Variants in TOX2 observed in about 807,000 individuals in gnomAD.
The protein encoded by TOX2 is TOX high mobility group box family member 2, also known as granulosa cell HMG box 1.
A neutral mutation model predicts 47.4 loss-of-function variants in TOX2; 15 were observed. The observed-to-expected ratio is 0.32, with a 90% CI of 0.21 to 0.49. TOX2 has a LOEUF of 0.49. TOX2 is among the 20% of genes least tolerant of loss of function. TOX2 has a pLI of 0.99. For missense variants in TOX2, 622 were observed against 673.1 expected (o/e 0.92, Z 0.84); for synonymous variants, 290 against 296.6 (o/e 0.98, Z 0.23).
At chr20:43,947,736 C>T (rs1163597581) in intron 1 of TOX2, among the ~76,000 whole-genome samples, 1 of 152,206 alleles carries the variant, frequency 6.6e-6, no homozygotes, top group African/African-American at 2.4e-5. Flanking sequence ...TTAACACTTC[C>T]TGAACAACTT....
intron 4 of TOX2, among the ~76,000 whole-genome samples, chr20:44,053,049 G>T (rs2071544587): frequency 6.6e-6 from 1 of 152,180 alleles, no homozygotes; most frequent in South Asian, 2.1e-4. Flanking sequence ...AGGTCAACAT[G>T]TCACCTCCAT....
chr20:43,983,002 T>C (rs994552304), intron 2 of TOX2, among the ~76,000 whole-genome samples: 1 of 151,764 alleles, frequency 6.6e-6, no homozygotes, highest in Non-Finnish European at 1.5e-5. Flanking sequence ...AACATAAAGA[T>C]TCTGGGGACT....
At chr20:44,032,839 A>G (rs1331049731) in intron 3 of TOX2, among the ~76,000 whole-genome samples, 3 of 152,174 alleles carry the variant, frequency 2.0e-5, no homozygotes, top group South Asian at 4.1e-4. Context: ...AAGGGGACAA[A>G]TTGCTTTTCA....
chr20:43,930,231 A>T (rs2069235438), intron 1 of TOX2, among the ~76,000 whole-genome samples: 2 of 152,248 alleles, frequency 1.3e-5, no homozygotes, highest in South Asian at 4.1e-4. Flanking sequence ...ACCGTAACAT[A>T]GCCCAGGCTG....
At chr20:43,928,981 G>GAAAAAAAAAAAAAAAAAAAAAAA (rs575418660) in intron 1 of TOX2, among the ~76,000 whole-genome samples, 2 of 86,142 alleles carry the variant, frequency 2.3e-5, no homozygotes, top group East Asian at 3.5e-4. Flanking sequence ...CTAAAAATAT[G>GAAAAAAAAAAAAAAAAAAAAAAA]AAAAAAAAAA....
At chr20:43,987,753 C>T (rs749828255) in intron 2 of TOX2, among the ~76,000 whole-genome samples, 1 of 152,018 alleles carries the variant, frequency 6.6e-6, no homozygotes, top group Non-Finnish European at 1.5e-5. Flanking sequence ...ATTTTAGCCT[C>T]ATAATGGATG....
intron 1 of TOX2, chr20:43,945,726 G>A (rs532615837): frequency 1.2e-6 from 1 of 820,946 alleles, no homozygotes; most frequent in Admixed American, 2.9e-5. Flanking sequence ...CGAACACGCA[G>A]GCCCAAATTG....
rs1007267788 is a variant in TOX2 at position 44,069,203 on chromosome 20, G to A, written c.*517G>A. ...AGAACTGTGCTGAAGACATCTGTAA[G>A]ACTATTTTGTGGGGGAAAAAAGTAG... is the stretch of plus-strand genomic sequence containing the variant. On this transcript the variant is annotated 3_prime_UTR_variant, in exon 9 of 9. Transcript: ENST00000341197. 12 of 258,326 alleles carry A rather than the reference G, an allele frequency of 4.6e-5. No individual in the cohort carries two copies. The highest frequency in any genetic ancestry group is 2.7e-4 in the African/African-American group (12 of 45,050). 16.0% of individuals were successfully genotyped at this position (258,326 alleles called of 1,614,324 possible). A position where few individuals can be genotyped will look rare whatever the true frequency, so the allele number is the denominator to read the frequency against.
At chr20:43,960,093 A>T (rs2069733638) in intron 1 of TOX2, among the ~76,000 whole-genome samples, 1 of 152,104 alleles carries the variant, frequency 6.6e-6, no homozygotes, top group African/African-American at 2.4e-5. Flanking sequence ...TTACCTTGTG[A>T]GGTTGTCGTG....
chr20:44,054,263 G>T (rs778822885), intron 4 of TOX2, 36 bp from the exon 5 acceptor site: 12 of 1,570,954 alleles, frequency 7.6e-6, no homozygotes. Flanking sequence ...AGGCCCTTGG[G>T]CTTCTTTGGT....
Position 43,914,946 on chromosome 20 carries a change from G to A in TOX2, c.55G>A (p.Glu19Lys), listed in dbSNP as rs972611801. 2.4e-6 allele frequency: 3 copies of A among 1,246,582 alleles called. No homozygotes were observed. The highest frequency in any genetic ancestry group is 3.0e-6 in the Non-Finnish European group (3 of 994,096). The allele number at this position is 1,246,582 out of a possible 1,614,324, so 77.2% of individuals were successfully genotyped here. A position where few individuals can be genotyped will look rare whatever the true frequency, so the allele number is the denominator to read the frequency against. ...APAVGARPGA[E>K]PAGLAHLDYY... Reference sequence around the variant, plus strand: ...CGCGGTGGGCGCGCGGCCCGGGGCCGAGCCGGCCGGCCTGGCGCACCTGGA... The same window carrying A: ...CGCGGTGGGCGCGCGGCCCGGGGCCAAGCCGGCCGGCCTGGCGCACCTGGA... The change falls in exon 1 of 9, where the codon GAG becomes AAG. Residue 19 changes from glutamate (E) to lysine (K), a missense_variant. Glu to Lys is a moderately conservative substitution (Grantham distance 56). Coordinates refer to ENST00000341197, the MANE Select transcript of TOX2 (RefSeq NM_001098797.2). The surrounding 1 kb of genome is among the most constrained non-coding windows in gnomAD (Gnocchi z 4.5).
At chr20:44,067,201 T>C (rs1476826169) in intron 8 of TOX2, among the ~76,000 whole-genome samples, 5 of 152,008 alleles carry the variant, frequency 3.3e-5, no homozygotes, top group African/African-American at 1.2e-4. Flanking sequence ...GCAGCAGGGA[T>C]TGGGTGCCTT....
intron 1 of TOX2, among the ~76,000 whole-genome samples, chr20:43,948,948 C>T (rs1052131183): frequency 2.0e-5 from 3 of 152,176 alleles, no homozygotes; most frequent in African/African-American, 7.2e-5. Flanking sequence ...CTTAACCTCC[C>T]TGGGTCTTCC....
In TOX2 at chr20:44,066,805, G is replaced by T; in HGVS notation, c.1432G>T (p.Gly478Trp). The stretch of plus-strand genomic sequence containing the variant: ...TGGCCCATCCAACCCCACCAGCAGC[G>T]GGGACTGGGACAGCAGCTACCCCAG... ...SPGPSNPTSS[G>W]DWDSSYPSGE... The change falls in exon 8 of 9, where the codon GGG (glycine) becomes TGG (tryptophan). Residue 478 changes from glycine (G) to tryptophan (W), a missense_variant. By Grantham distance (184) the Gly-to-Trp change is radical. Around this residue, in one of 3 missense-constraint regions of TOX2, gnomAD observed 294 missense variants for 300.0 expected, o/e 0.98. Coordinates refer to ENST00000341197, the MANE Select transcript of TOX2 (RefSeq NM_001098797.2). The T allele has an allele frequency of 6.2e-7, 1 of 1,614,140 alleles. No homozygotes were observed. The highest frequency in any genetic ancestry group is 8.5e-7 in the Non-Finnish European group (1 of 1,180,012).
chr20:44,019,989 C>G (rs902796133), intron 3 of TOX2, among the ~76,000 whole-genome samples: 2 of 151,890 alleles, frequency 1.3e-5, no homozygotes, highest in Non-Finnish European at 2.9e-5. Context: ...CTCAGGAGAG[C>G]CCCGGGATTA....
At chr20:44,040,031 G>C (rs142219591) in intron 3 of TOX2, among the ~76,000 whole-genome samples, 8 of 152,340 alleles carry the variant, frequency 5.3e-5, no homozygotes, top group Admixed American at 3.3e-4. Flanking sequence ...TGTTGGGGCA[G>C]CGGGGTGTGG....
At position 43,973,313 on chromosome 20, in the gene TOX2, G is replaced by T; in HGVS notation, c.100-54G>T. On this transcript the variant is annotated intron_variant, in intron 1 of 8. Transcript: ENST00000341197. ...CCCTCCTCCGGCTGCTTCTCCTGGTGCCTTCCTGAGAGCATTTTAATCAGA... is the reference window on the plus strand; with the variant it reads ...CCCTCCTCCGGCTGCTTCTCCTGGTTCCTTCCTGAGAGCATTTTAATCAGA... 3 of 1,574,918 alleles carry T rather than the reference G, an allele frequency of 1.9e-6. No individual in the cohort carries two copies. In the East Asian group the frequency reaches 6.7e-5, roughly 35 times the overall value.
rs138123229 is a variant in TOX2 at position 44,054,317 on chromosome 20, C to A, written c.670C>A (p.Pro224Thr). The A allele has an allele frequency of 6.2e-7, 1 of 1,611,220 alleles. No homozygotes were observed. Among genetic ancestry groups the A allele is most frequent in the Non-Finnish European group, 8.5e-7 (1 of 1,178,594 alleles). ...VHFKISGEKR[P>T]SADPGKKAKN... is the part of the protein sequence containing the mutation. ...CGGGCAGATCTCGGGAGAAAAGAGA[C>A]CTTCAGCCGACCCAGGAAAAAAGGC... Residue 224 changes from proline to threonine, a missense_variant, in exon 5 of 9, where the codon CCT (proline) becomes ACT (threonine). By Grantham distance (38) the Pro-to-Thr change is conservative. Around this residue, in one of 3 missense-constraint regions of TOX2, gnomAD observed 307 missense variants for 327.3 expected, o/e 0.94. Coordinates refer to ENST00000341197, the MANE Select transcript of TOX2 (RefSeq NM_001098797.2).
At chr20:43,951,199 T>C (rs2069558870) in intron 1 of TOX2, among the ~76,000 whole-genome samples, 1 of 152,184 alleles carries the variant, frequency 6.6e-6, no homozygotes, top group African/African-American at 2.4e-5. Flanking sequence ...CACATTGCTG[T>C]GGGTTTGAAT....
Sources: gnomAD v4.1 joint callset for allele counts (sites outside exome capture counted in the v4.1 genomes callset) on GRCh38, gnomAD v4.1.1 for gene constraint, gnomAD v4.1.1 regional missense constraint, Gnocchi (gnomAD v3.1) non-coding constraint, MANE v1.5 for transcripts, NCBI Gene and HGNC (gene_info 2026-07-23, HGNC 2026-07-21) for gene names.